GABRA3: variants seen among roughly 807,000 people sequenced by gnomAD.
The protein encoded by GABRA3 is gamma-aminobutyric acid receptor subunit alpha-3.
In GABRA3, 10 loss-of-function variants were observed where a neutral mutation model predicts 30.1. The observed-to-expected ratio is 0.33, with a 90% CI of 0.20 to 0.56. The LOEUF is 0.56. GABRA3 is among the 20% of genes least tolerant of loss of function. The pLI is 0.89. For missense variants in GABRA3, 233 were observed against 392.0 expected, an observed-to-expected ratio of 0.59 and a Z score of 3.42; for synonymous variants, 151 against 146.8, an observed-to-expected ratio of 1.03 and a Z score of -0.21.
At chrX:152,254,741 C>T (rs1938610437) in intron 5 of GABRA3, among the ~76,000 whole-genome samples, 1 of 111,654 alleles carries the variant, frequency 9.0e-6, no homozygotes, top group Non-Finnish European at 1.9e-5. Context: ...TATTCACCAC[C>T]TATTTACCAG....
intron 3 of GABRA3, among the ~76,000 whole-genome samples, chrX:152,297,899 C>T (rs1241231608): frequency 8.9e-6 from 1 of 112,012 alleles, no homozygotes; most frequent in East Asian, 2.8e-4. Flanking sequence ...TTCCTTGGAG[C>T]ACCATTATAA....
intron 1 of GABRA3, among the ~76,000 whole-genome samples, chrX:152,390,669 A>G (rs1418573693): frequency 8.9e-6 from 1 of 112,308 alleles, no homozygotes; most frequent in Non-Finnish European, 1.9e-5. Context: ...CTTAACCATT[A>G]GACTATAACA....
chrX:152,309,158 G>A (rs1000430603), intron 3 of GABRA3, among the ~76,000 whole-genome samples: 1 of 111,806 alleles, frequency 8.9e-6, no homozygotes, highest in Admixed American at 9.5e-5. Flanking sequence ...CAAAACCTAT[G>A]ATTCATTGGC....
In GABRA3 at chrX:152,255,583, CTTTA is replaced by C. The variant is rs375635585; in HGVS notation, c.551+191_551+194del. Among the ~76,000 whole-genome samples the C allele has an allele frequency of 1.8e-4, 20 of 112,103 alleles. No individual in the cohort carries two copies. The South Asian group carries it at 6.6e-3, about 37-fold the overall frequency. ...TCTCAAAATGTTCATCTATGCAACT[CTTTA>C]TTTATGTGTTTATTAGAATATATAT... On this transcript the variant is annotated intron_variant, in intron 5 of 9. Transcript: ENST00000370314.
chrX:152,225,440 A>G (rs1473497796), intron 5 of GABRA3, among the ~76,000 whole-genome samples: 2 of 107,150 alleles, frequency 1.9e-5, no homozygotes, highest in Non-Finnish European at 1.9e-5. Context: ...ACGCACACAC[A>G]CACACACACA....
At chrX:152,197,086 T>C (rs909203463) in intron 8 of GABRA3, among the ~76,000 whole-genome samples, 7 of 112,196 alleles carry the variant, frequency 6.2e-5, no homozygotes, top group African/African-American at 2.3e-4. Flanking sequence ...AAAGTGCTAA[T>C]GATATGCAAA....
intron 3 of GABRA3, among the ~76,000 whole-genome samples, chrX:152,341,723 G>A (rs984776328): frequency 4.7e-5 from 5 of 106,397 alleles, no homozygotes; most frequent in Admixed American, 1.0e-4. Flanking sequence ...TGTATTTTTC[G>A]TAGAGACGGG....
chrX:152,350,580 C>T (rs1034323491), intron 2 of GABRA3, among the ~76,000 whole-genome samples: 1 of 111,703 alleles, frequency 9.0e-6, no homozygotes, highest in Non-Finnish European at 1.9e-5. Flanking sequence ...ACCACATCTG[C>T]AGTTACTTCC....
At chrX:152,270,381 A>G (rs1325427957) in intron 4 of GABRA3, among the ~76,000 whole-genome samples, 2 of 111,935 alleles carry the variant, frequency 1.8e-5, no homozygotes, top group Non-Finnish European at 1.9e-5. Flanking sequence ...GAGTCAATTA[A>G]ACCTCTTTCC....
intron 2 of GABRA3, among the ~76,000 whole-genome samples, chrX:152,347,304 T>C (rs1940406260): frequency 9.0e-6 from 1 of 111,417 alleles, no homozygotes; most frequent in Non-Finnish European, 1.9e-5. Context: ...ATTGAACTCA[T>C]GGAGATAGAG....
intron 1 of GABRA3, among the ~76,000 whole-genome samples, chrX:152,386,324 G>C (rs1272874288): frequency 9.1e-5 from 10 of 110,405 alleles, no homozygotes; most frequent in Non-Finnish European, 1.5e-4. Flanking sequence ...TTGTAAGTTG[G>C]ATTCCTAGGT....
Position 152,259,483 on chromosome X carries a change from A to G in GABRA3, c.331-3485T>C, listed in dbSNP as rs190542558. Among the ~76,000 whole-genome samples the G allele has an allele frequency of 2.7e-5, 3 of 110,390 alleles. No individual in the cohort carries two copies. The Admixed American group carries it at 2.9e-4, about 11-fold the overall frequency. ...GCTCCAAAAGAGATCGCTTCCTTCC[A>G]CTCGAGTAGAGGAGAGGGAAGAGTA... is the stretch of plus-strand genomic sequence containing the variant. On this transcript the variant is annotated intron_variant, in intron 4 of 9. Transcript: ENST00000370314.
At chrX:152,316,122 G>A (rs1037942466) in intron 3 of GABRA3, among the ~76,000 whole-genome samples, 3 of 109,178 alleles carry the variant, frequency 2.7e-5, no homozygotes, top group Non-Finnish European at 3.8e-5. Flanking sequence ...ATTTCACTCC[G>A]CTGCCACCTC....
At chrX:152,297,323 T>G (rs12688628) in intron 3 of GABRA3, among the ~76,000 whole-genome samples, 19,471 of 111,624 alleles carry the variant, frequency 0.17, 1,330 homozygotes, top group African/African-American at 0.26. Context: ...TCACTGGCCC[T>G]ACAAAAGCAC....
chrX:152,171,725 A>G (rs1937005390), intron 9 of GABRA3, among the ~76,000 whole-genome samples: 1 of 111,834 alleles, frequency 8.9e-6, no homozygotes, highest in Non-Finnish European at 1.9e-5. Context: ...TTGCTGCATA[A>G]ATAGCATGTC....
intron 1 of GABRA3, among the ~76,000 whole-genome samples, chrX:152,379,899 G>A (rs968088016): frequency 5.5e-5 from 6 of 109,917 alleles, no homozygotes; most frequent in Non-Finnish European, 1.1e-4. Flanking sequence ...GTGCAGTGCC[G>A]CGATCTAGGC....
chrX:152,222,238 C>T (rs1937855582), intron 6 of GABRA3, among the ~76,000 whole-genome samples: 1 of 108,516 alleles, frequency 9.2e-6, no homozygotes, highest in African/African-American at 3.3e-5. Flanking sequence ...ATGACCCACA[C>T]GCTTTTTACT....
intron 3 of GABRA3, among the ~76,000 whole-genome samples, chrX:152,287,860 T>G (rs2124441516): frequency 9.0e-6 from 1 of 110,694 alleles, no homozygotes; most frequent in African/African-American, 3.3e-5. Flanking sequence ...TGCCAGACTC[T>G]TTCCAAATGG....
intron 1 of GABRA3, among the ~76,000 whole-genome samples, chrX:152,373,913 T>C (rs888439631): frequency 9.1e-6 from 1 of 110,438 alleles, no homozygotes; most frequent in Non-Finnish European, 1.9e-5. Context: ...TTGCTCAGAA[T>C]GATGGTTTCC....
Sources: allele counts gnomAD v4.1 joint callset (sites outside exome capture counted in the v4.1 genomes callset), GRCh38; gene constraint gnomAD v4.1.1; transcripts MANE v1.5; gene names NCBI Gene and HGNC (gene_info 2026-07-23, HGNC 2026-07-21).